Variants in METTL15 observed in about 807,000 individuals in gnomAD.
METTL15 encodes methyltransferase 15, mitochondrial 12S rRNA N4-cytidine.
In METTL15, 34 loss-of-function variants were observed where a neutral mutation model predicts 38.3. That is an observed-to-expected ratio of 0.89 (90% CI 0.68 to 1.18). METTL15 has a LOEUF of 1.18. Ranked by LOEUF, METTL15 falls within the 50% of genes most tolerant of loss-of-function variation. METTL15 has a pLI of 0.00. For missense variants in METTL15, 438 were observed against 498.4 expected, an observed-to-expected ratio of 0.88 and a Z score of 1.15; for synonymous variants, 162 against 170.9, an observed-to-expected ratio of 0.95 and a Z score of 0.41.
At chr11:28,376,709 T>C (rs1327273116) in intron 5 of METTL15, among the ~76,000 whole-genome samples, 1 of 151,934 alleles carries the variant, frequency 6.6e-6, no homozygotes, top group Non-Finnish European at 1.5e-5. Flanking sequence ...ATTATGATGT[T>C]AGCTGGTTAT....
At chr11:28,157,395 T>G (rs1450481358) in intron 3 of METTL15, among the ~76,000 whole-genome samples, 1 of 152,192 alleles carries the variant, frequency 6.6e-6, no homozygotes, top group African/African-American at 2.4e-5. Flanking sequence ...CCAGTGGTGC[T>G]TAAGGTGTCA....
At chr11:28,498,307 C>T (rs1482317466) in intron 6 of METTL15, among the ~76,000 whole-genome samples, 2 of 151,952 alleles carry the variant, frequency 1.3e-5, no homozygotes, top group Non-Finnish European at 2.9e-5. Context: ...TATAGGCGCC[C>T]ACCACCACGC....
chr11:28,219,039 G>T (rs1007936126), intron 4 of METTL15, among the ~76,000 whole-genome samples: 2 of 152,080 alleles, frequency 1.3e-5, no homozygotes, highest in Non-Finnish European at 2.9e-5. Context: ...TTGTGTCTCT[G>T]CCCGGCTTTG....
intron 6 of METTL15, among the ~76,000 whole-genome samples, chr11:28,486,320 G>C (rs1011248919): frequency 6.6e-6 from 1 of 152,068 alleles, no homozygotes; most frequent in Non-Finnish European, 1.5e-5. Context: ...GGGGACCAAG[G>C]GAGACCTCTT....
intron 3 of METTL15, among the ~76,000 whole-genome samples, chr11:28,141,999 G>A (rs1849715093): frequency 6.6e-6 from 1 of 152,154 alleles, no homozygotes; most frequent in Non-Finnish European, 1.5e-5. Context: ...CAACTTATGA[G>A]GTTAGAAGTG....
chr11:28,412,512 T>C (rs1000106613), intron 5 of METTL15, among the ~76,000 whole-genome samples: 1 of 151,988 alleles, frequency 6.6e-6, no homozygotes, highest in African/African-American at 2.4e-5. Context: ...CATATATCAC[T>C]TTCCATAATA....
chr11:28,462,556 A>G (rs976784980), intron 6 of METTL15, among the ~76,000 whole-genome samples: 1 of 152,016 alleles, frequency 6.6e-6, no homozygotes, highest in Non-Finnish European at 1.5e-5. Flanking sequence ...ACTCAGAATT[A>G]TAGGAAATAC....
intron 1 of METTL15, among the ~76,000 whole-genome samples, chr11:28,108,954 TAACAG>T (rs1253101996): frequency 2.0e-5 from 3 of 152,232 alleles, no homozygotes; most frequent in African/African-American, 7.2e-5. Context: ...GTGTTTTTAA[TAACAG>T]TATCTGAATT....
intron 6 of METTL15, among the ~76,000 whole-genome samples, chr11:28,437,523 C>T (rs183121401): frequency 1.2e-3 from 185 of 152,274 alleles, no homozygotes; most frequent in African/African-American, 4.3e-3. Context: ...ATACAGCACT[C>T]GTCTTGTTAC....
chr11:28,262,539 A>G (rs1448987273), intron 4 of METTL15, among the ~76,000 whole-genome samples: 1 of 152,000 alleles, frequency 6.6e-6, no homozygotes, highest in Non-Finnish European at 1.5e-5. Flanking sequence ...TAGGGTGAAA[A>G]AATATTGTGT....
intron 6 of METTL15, among the ~76,000 whole-genome samples, chr11:28,307,212 C>T (rs1236136150): frequency 6.6e-6 from 1 of 151,776 alleles, no homozygotes; most frequent in Non-Finnish European, 1.5e-5. Context: ...CAGTAAACAA[C>T]AAGAAATATT....
In METTL15 at chr11:28,330,540, A is replaced by G. The variant is rs780739721; in HGVS notation, c.923A>G (p.Lys308Arg). 1.7e-5 allele frequency: 27 copies of G among 1,551,592 alleles called. No homozygotes were observed. In the African/African-American group the frequency reaches 2.6e-4, roughly 15 times the overall value. Reference protein sequence around the residue: ...ELYTGLKTAQKFLRPGGRLVA... With the variant: ...ELYTGLKTAQRFLRPGGRLVA... ...TACACGGGACTGAAGACAGCTCAGA[A>G]GTTTCTGAGACCTGGTGGTCGTCTT... is the stretch of plus-strand genomic sequence containing the variant. Residue 308 changes from lysine to arginine, a missense_variant, in exon 7 of 7, where the codon AAG becomes AGG. By Grantham distance (26) the Lys-to-Arg change is conservative. Coordinates refer to ENST00000407364, the MANE Select transcript of METTL15 (RefSeq NM_001113528.2).
intron 5 of METTL15, among the ~76,000 whole-genome samples, chr11:28,392,331 A>T (rs1049545337): frequency 1.3e-5 from 2 of 152,160 alleles, no homozygotes; most frequent in Admixed American, 6.6e-5. Flanking sequence ...CCTGATTTCA[A>T]AACAAGTTAT....
chr11:28,333,312 G>T lies in METTL15; in HGVS notation c.*2471G>T, dbSNP rs1183268123. On this transcript the variant is annotated 3_prime_UTR_variant, in exon 7 of 7. Transcript: ENST00000407364. ...CATGTAAAAATAAATTAACTTTTCTGTAATTAGATTGTGTTTTATAGTAAT... is the reference window on the plus strand; with the variant it reads ...CATGTAAAAATAAATTAACTTTTCTTTAATTAGATTGTGTTTTATAGTAAT... 2.0e-5 allele frequency: 3 copies of T among 152,132 alleles called. No homozygotes were observed. Among genetic ancestry groups the T allele is most frequent in the East Asian group, 1.9e-4 (1 of 5,206 alleles). The allele number at this position is 152,132 out of a possible 1,614,324, so 9.4% of individuals were successfully genotyped here. A position where few individuals can be genotyped will look rare whatever the true frequency, so the allele number is the denominator to read the frequency against.
intron 3 of METTL15, among the ~76,000 whole-genome samples, chr11:28,136,485 C>G (rs1045207820): frequency 1.3e-5 from 2 of 152,056 alleles, no homozygotes; most frequent in African/African-American, 4.8e-5. Context: ...TATAAATTAC[C>G]CGGTCTTGGG....
At chr11:28,269,654 A>G (rs1157273656) in intron 4 of METTL15, among the ~76,000 whole-genome samples, 1 of 152,194 alleles carries the variant, frequency 6.6e-6, no homozygotes, top group Non-Finnish European at 1.5e-5. Flanking sequence ...TTTGTTTACT[A>G]TCAGCACTAG....
At chr11:28,119,693 ATTTTCT>A in intron 3 of METTL15, among the ~76,000 whole-genome samples, 1 of 152,056 alleles carries the variant, frequency 6.6e-6, no homozygotes, top group East Asian at 1.9e-4. Context: ...AGCTTTGATA[ATTTTCT>A]TTATTAAATG....
At chr11:28,142,260 A>G (rs1433834411) in intron 3 of METTL15, among the ~76,000 whole-genome samples, 1 of 152,246 alleles carries the variant, frequency 6.6e-6, no homozygotes, top group Non-Finnish European at 1.5e-5. Flanking sequence ...GAAAAGGGCC[A>G]AAGAAAAGAG....
intron 5 of METTL15, among the ~76,000 whole-genome samples, chr11:28,373,001 T>C (rs1304678357): frequency 1.3e-5 from 2 of 152,014 alleles, no homozygotes; most frequent in African/African-American, 2.4e-5. Flanking sequence ...TGCCACATTT[T>C]CTTAATCCAG....
Sources: gnomAD v4.1 joint callset for allele counts (sites outside exome capture counted in the v4.1 genomes callset) on GRCh38, gnomAD v4.1.1 for gene constraint, MANE v1.5 for transcripts, NCBI Gene and HGNC (gene_info 2026-07-23, HGNC 2026-07-21) for gene names.